The following KCNU1 variants were observed in gnomAD, a reference collection of about 807,000 sequenced individuals.
The protein encoded by KCNU1 is potassium calcium-activated channel subfamily U member 1.
KCNU1 carries 93 observed loss-of-function variants against 126.8 expected under a neutral mutation model. The observed-to-expected ratio is 0.73, with a 90% confidence interval of 0.62 to 0.87. The LOEUF (loss-of-function observed/expected upper bound fraction) is 0.87. Among genes scored for constraint, KCNU1 ranks in the 40% least tolerant of loss-of-function variants. KCNU1 has a pLI of 0.00. For synonymous variants in KCNU1, 523 were observed against 494.2 expected, an observed-to-expected ratio of 1.06 and a Z score of -0.77; for missense variants, 1,330 against 1,367.1, an observed-to-expected ratio of 0.97 and a Z score of 0.43.
rs191693881 is a variant in KCNU1, at chr8:36,793,913, G to A, written c.315+6488G>A. On this transcript the variant is annotated intron_variant, in intron 2 of 26. Transcript: ENST00000399881. Reference sequence around the variant, plus strand: ...TACTAAATATGCAAAAATTGGCCAGGCATGGTGGTGCTCGCCTGTAATCCC... The same window carrying A: ...TACTAAATATGCAAAAATTGGCCAGACATGGTGGTGCTCGCCTGTAATCCC... 1.0e-3 allele frequency among the ~76,000 whole-genome samples: 154 copies of A among 152,106 alleles called. 1 individual carries two copies. Among genetic ancestry groups the A allele is most frequent in the Middle Eastern group, 6.8e-3 (2 of 294 alleles).
intron 7 of KCNU1, 107 bp downstream of exon 7, chr8:36,808,900 G>C (rs1046931246): frequency 1.4e-6 from 1 of 714,068 alleles, no homozygotes; most frequent in South Asian, 1.8e-5. Flanking sequence ...CTGTAAGCCA[G>C]TTGGAGGTGT....
At chr8:36,787,859 A>T (rs1802769259) in intron 2 of KCNU1, among the ~76,000 whole-genome samples, 2 of 147,754 alleles carry the variant, frequency 1.4e-5, no homozygotes, top group South Asian at 4.2e-4. Context: ...ATATTGACTA[A>T]TTATATATTT....
intron 2 of KCNU1, among the ~76,000 whole-genome samples, chr8:36,792,386 A>C (rs982202310): frequency 1.3e-5 from 2 of 152,200 alleles, no homozygotes; most frequent in African/African-American, 4.8e-5. Flanking sequence ...TCGTGAAGCC[A>C]GTGGAGGTAA....
At chr8:36,934,010 A>G (rs1808780197) in intron 26 of KCNU1, among the ~76,000 whole-genome samples, 1 of 152,156 alleles carries the variant, frequency 6.6e-6, no homozygotes, top group East Asian at 1.9e-4. Context: ...CCTGGACCAT[A>G]CAGTGAAAGA....
rs1805113689 is a variant in KCNU1 at position 36,845,598 on chromosome 8, A to G, written c.1722A>G (p.Pro574=). The change falls in exon 17 of 27, where the codon CCA becomes CCG. Residue 574 remains proline, a synonymous_variant. Transcript: ENST00000399881. The part of the protein sequence containing the change: ...TDGFCGLILN[P]PPQVRIRKNT... ...TTTCCAGTGGTCTGATACTAAATCC[A>G]CCTCCACAAGTGAGGATACGTAAGA... is the stretch of plus-strand genomic sequence containing the variant. The G allele has an allele frequency of 6.2e-7, 1 of 1,606,380 alleles. No individual in the cohort carries two copies.
intron 10 of KCNU1, among the ~76,000 whole-genome samples, chr8:36,818,558 T>C (rs1031967728): frequency 6.6e-6 from 1 of 152,186 alleles, no homozygotes; most frequent in Non-Finnish European, 1.5e-5. Flanking sequence ...GCTCATTCTT[T>C]TAGTGTTTAA....
At chr8:36,837,719 C>A (rs1221200965) in intron 14 of KCNU1, among the ~76,000 whole-genome samples, 1 of 152,172 alleles carries the variant, frequency 6.6e-6, no homozygotes, top group Non-Finnish European at 1.5e-5. Flanking sequence ...TTTTGTAGCA[C>A]AAAAGGTGGT....
intron 18 of KCNU1, among the ~76,000 whole-genome samples, chr8:36,857,441 G>A (rs886126633): frequency 1.3e-5 from 2 of 152,126 alleles, no homozygotes; most frequent in Non-Finnish European, 2.9e-5. Context: ...GGGAGGGGGA[G>A]CCCTGCATTC....
chr8:36,910,784 G>A, intron 21 of KCNU1, 146 bp from the exon 22 acceptor site: 1 of 543,312 alleles, frequency 1.8e-6, no homozygotes, highest in South Asian at 3.0e-5. Flanking sequence ...TGTCAGATAT[G>A]AGGTAACTAA....
At chr8:36,808,305 G>T (rs983448285) in intron 6 of KCNU1, among the ~76,000 whole-genome samples, 3 of 152,054 alleles carry the variant, frequency 2.0e-5, no homozygotes, top group African/African-American at 7.2e-5. Context: ...TTGCAAATCT[G>T]CTCCCTGGAT....
intron 24 of KCNU1, among the ~76,000 whole-genome samples, chr8:36,925,327 C>T (rs934070724): frequency 3.9e-5 from 6 of 152,102 alleles, no homozygotes; most frequent in Non-Finnish European, 7.4e-5. Context: ...TGGGCAGGGA[C>T]GGCAATGGAG....
intron 16 of KCNU1, among the ~76,000 whole-genome samples, chr8:36,844,045 A>G (rs1167968243): frequency 6.6e-6 from 1 of 152,190 alleles, no homozygotes; most frequent in Non-Finnish European, 1.5e-5. Flanking sequence ...ATAGCTAGAT[A>G]TTTAATATGA....
At chr8:36,867,969 C>T (rs1805971196) in intron 19 of KCNU1, among the ~76,000 whole-genome samples, 1 of 152,108 alleles carries the variant, frequency 6.6e-6, no homozygotes, top group African/African-American at 2.4e-5. Context: ...AAGATGATTG[C>T]TAAAGCTGAT....
chr8:36,791,795 A>G (rs1802912419), intron 2 of KCNU1, among the ~76,000 whole-genome samples: 4 of 152,178 alleles, frequency 2.6e-5, no homozygotes, highest in South Asian at 2.1e-4. Flanking sequence ...ATTGGAAAAG[A>G]TCAGTCTCTT....
intron 10 of KCNU1, among the ~76,000 whole-genome samples, chr8:36,827,261 G>T (rs1221293804): frequency 6.6e-6 from 1 of 152,186 alleles, no homozygotes; most frequent in African/African-American, 2.4e-5. Flanking sequence ...AACTCAGGAT[G>T]ACAGCCGAAT....
chr8:36,803,242 A>G (rs373517803), intron 2 of KCNU1, among the ~76,000 whole-genome samples: 96 of 152,338 alleles, frequency 6.3e-4, no homozygotes, highest in African/African-American at 2.3e-3. Flanking sequence ...AGCTAAAATA[A>G]AGAGAAGATT....
intron 2 of KCNU1, among the ~76,000 whole-genome samples, chr8:36,800,341 T>C (rs1362346201): frequency 6.6e-6 from 1 of 152,208 alleles, no homozygotes; most frequent in Non-Finnish European, 1.5e-5. Flanking sequence ...GATCCCATTG[T>C]GAAAATCAAA....
At position 36,841,030 on chromosome 8, in the gene KCNU1, A is replaced by G. The variant is rs749076993; in HGVS notation, c.1703+27A>G. The G allele has an allele frequency of 1.5e-5, 12 of 816,212 alleles. 1 individual carries two copies. The South Asian group carries it at 1.8e-4, about 12-fold the overall frequency. 50.6% of individuals were successfully genotyped at this position (816,212 alleles called of 1,614,324 possible). On this transcript the variant is annotated intron_variant, in intron 16 of 26. Coordinates refer to ENST00000399881, the MANE Select transcript of KCNU1 (RefSeq NM_001031836.3). ...TACCAATAAGTCTGCTCATCTCTTC[A>G]GTTGTTTTTTTTTTTTTTTTTTTTT...
chr8:36,814,182 T>C (rs764086923), intron 7 of KCNU1, 25 bp from the exon 8 acceptor site: 1 of 1,595,890 alleles, frequency 6.3e-7, no homozygotes, highest in Non-Finnish European at 8.6e-7. Context: ...TTCAGATGTT[T>C]CCTGAGTCTT....
Sources: allele counts gnomAD v4.1 joint callset (sites outside exome capture counted in the v4.1 genomes callset), GRCh38; gene constraint gnomAD v4.1.1; transcripts MANE v1.5; gene names NCBI Gene and HGNC (gene_info 2026-07-23, HGNC 2026-07-21).